The following PNKD variants were observed in gnomAD, a reference collection of about 807,000 sequenced individuals.
PNKD encodes the protein PNKD metallo-beta-lactamase domain containing.
PNKD carries 36 observed loss-of-function variants against 45.3 expected under a neutral mutation model. The observed-to-expected ratio is 0.80, with a 90% CI of 0.61 to 1.05. PNKD has a LOEUF of 1.05. Among genes scored for constraint, PNKD ranks in the 50% least tolerant of loss-of-function variants. The pLI is 0.00. For synonymous variants in PNKD, 197 were observed against 210.1 expected (o/e 0.94, Z 0.54); for missense variants, 511 against 506.6 (o/e 1.01, Z -0.08).
chr2:218,322,958 G>A (rs955861053), intron 2 of PNKD, among the ~76,000 whole-genome samples: 2 of 152,132 alleles, frequency 1.3e-5, no homozygotes, highest in African/African-American at 4.8e-5. Context: ...CGAACTGCGA[G>A]CTCCTGCCCC....
In PNKD at chr2:218,341,044, A is replaced by G. The variant is rs117178468; in HGVS notation, c.524+258A>G. Among the ~76,000 whole-genome samples, 10 of 152,338 alleles carry G rather than the reference A, an allele frequency of 6.6e-5. No homozygotes were observed. The East Asian group carries it at 1.7e-3, about 26-fold the overall frequency. ...TTTCATGGGCATGTATTAGATACCT[A>G]CTGCACACTGGGCATGGACAAAAGT... On this transcript the variant is annotated intron_variant, in intron 5 of 9. Transcript: ENST00000273077.
intron 2 of PNKD, among the ~76,000 whole-genome samples, chr2:218,311,787 A>G (rs908649434): frequency 4.6e-5 from 7 of 151,384 alleles, no homozygotes; most frequent in Non-Finnish European, 1.0e-4. Flanking sequence ...CTCTTTCACT[A>G]CTCCTCAGCA....
intron 2 of PNKD, among the ~76,000 whole-genome samples, chr2:218,311,750 T>C (rs1482165795): frequency 6.6e-6 from 1 of 151,866 alleles, no homozygotes; most frequent in Non-Finnish European, 1.5e-5. Flanking sequence ...GAAGCCTTCC[T>C]CTTATCTCAA....
At chr2:218,298,011 A>G (rs796946943) in intron 2 of PNKD, among the ~76,000 whole-genome samples, 19 of 151,266 alleles carry the variant, frequency 1.3e-4, no homozygotes, top group Non-Finnish European at 1.6e-4. Flanking sequence ...AAAAAAAAAA[A>G]AGAGAGAGAG....
At chr2:218,290,796 G>A (rs77648432) in intron 2 of PNKD, among the ~76,000 whole-genome samples, 5,432 of 152,266 alleles carry the variant, frequency 0.036, 101 homozygotes, top group African/African-American at 0.048. Context: ...TTTTGGCCTA[G>A]AATCCCAGAA....
At chr2:218,304,694 A>T (rs1693363482) in intron 2 of PNKD, among the ~76,000 whole-genome samples, 1 of 152,240 alleles carries the variant, frequency 6.6e-6, no homozygotes, top group African/African-American at 2.4e-5. Context: ...ATTGGGGGTC[A>T]AATAAAACCA....
rs1691367928 is a variant in PNKD at position 218,277,669 on chromosome 2, G to C, written c.236+6120G>C. 1.4e-5 allele frequency: 22 copies of C among 1,614,170 alleles called. No homozygotes were observed. The highest frequency in any genetic ancestry group is 1.7e-5 in the Non-Finnish European group (20 of 1,180,024). On this transcript the variant is annotated intron_variant, in intron 2 of 9. Coordinates refer to ENST00000273077, the MANE Select transcript of PNKD (RefSeq NM_015488.5). ...GCCCGTCATGAAGCCCATGGCAAAA[G>C]TCTAAGGGAAGGAGAGAGACAAGAA...
intron 2 of PNKD, among the ~76,000 whole-genome samples, chr2:218,296,912 A>C (rs528957185): frequency 2.0e-5 from 3 of 152,324 alleles, no homozygotes; most frequent in East Asian, 3.9e-4. Flanking sequence ...TCCTGGCCTC[A>C]GGTCATCCAC....
intron 2 of PNKD, among the ~76,000 whole-genome samples, chr2:218,301,214 T>C (rs1693258815): frequency 6.6e-6 from 1 of 152,208 alleles, no homozygotes; most frequent in African/African-American, 2.4e-5. Context: ...CCACATTTTA[T>C]GTGCTCAGTG....
intron 2 of PNKD, chr2:218,323,402 G>C: frequency 1.3e-6 from 2 of 1,574,536 alleles, no homozygotes; most frequent in Non-Finnish European, 1.7e-6. Flanking sequence ...TGCTCATGGC[G>C]CACAGCCAGC....
At chr2:218,325,301 G>A (rs1423247719) in intron 2 of PNKD, among the ~76,000 whole-genome samples, 4 of 135,394 alleles carry the variant, frequency 3.0e-5, no homozygotes, top group African/African-American at 8.1e-5. Context: ...TCCGCCTCCC[G>A]GGTTCAAGCA....
Position 218,276,062 on chromosome 2 carries a change from C to T in PNKD, c.236+4513C>T. The stretch of plus-strand genomic sequence containing the variant: ...AAATGGCCCCCAGAGCAGCATAGAG[C>T]ATGTGGAGCCAGTAAACCTGGAGAA... On this transcript the variant is annotated intron_variant, in intron 2 of 9. Coordinates refer to ENST00000273077, the MANE Select transcript of PNKD (RefSeq NM_015488.5). 6.2e-7 allele frequency: 1 copy of T among 1,613,056 alleles called. No individual in the cohort carries two copies. The highest frequency in any genetic ancestry group is 1.1e-5 in the South Asian group (1 of 90,668).
intron 2 of PNKD, among the ~76,000 whole-genome samples, chr2:218,296,588 G>A (rs1356680152): frequency 6.6e-6 from 1 of 152,176 alleles, no homozygotes; most frequent in Non-Finnish European, 1.5e-5. Flanking sequence ...ATAGCTGCCT[G>A]GTTACCTAGC....
intron 2 of PNKD, among the ~76,000 whole-genome samples, chr2:218,315,035 T>TC (rs1693746331): frequency 1.3e-3 from 2 of 1,564 alleles, no homozygotes; most frequent in African/African-American, 1.8e-3. Context: ...TTTCTTTCTT[T>TC]CTTTTTCTTT....
rs773289545 is a variant in PNKD at position 218,279,281 on chromosome 2, A to T, written c.236+7732A>T. On this transcript the variant is annotated intron_variant, in intron 2 of 9. Transcript: ENST00000273077. Reference sequence around the variant, plus strand: ...AGTAGGAGTGGGTGGCAAAGCCTAGAGACTTACACAAAGGTGAAGATAGCA... The same window carrying T: ...AGTAGGAGTGGGTGGCAAAGCCTAGTGACTTACACAAAGGTGAAGATAGCA... The T allele has an allele frequency of 1.1e-5, 18 of 1,573,792 alleles. No individual in the cohort carries two copies. In the East Asian group the frequency reaches 3.6e-4, roughly 31 times the overall value.
intron 2 of PNKD, chr2:218,276,098 G>C (rs1182847448): frequency 6.2e-7 from 1 of 1,611,522 alleles, no homozygotes; most frequent in South Asian, 1.1e-5. Flanking sequence ...GAAGGGGACA[G>C]AGAATGGCAT....
intron 2 of PNKD, among the ~76,000 whole-genome samples, chr2:218,329,104 GA>G (rs1366273250): frequency 1.3e-5 from 2 of 152,206 alleles, no homozygotes; most frequent in African/African-American, 4.8e-5. Context: ...AGCTACTCAG[GA>G]GGCCGAGGCA....
Position 218,271,497 on chromosome 2 carries a change from T to C in PNKD, c.184T>C (p.Tyr62His), listed in dbSNP as rs772142996. ...TGAACCCCTATCCCCGGAGCTGGAA[T>C]ACATTCCCAGAAAGAGGGGCAAGAA... ...EPEPLSPELE[Y>H]IPRKRGKNPM... The change falls in exon 2 of 10, where the codon TAC becomes CAC. Residue 62 changes from tyrosine to histidine, a missense_variant. By Grantham distance (83) the Tyr-to-His change is moderately conservative. Transcript: ENST00000273077. The C allele has an allele frequency of 9.9e-6, 16 of 1,614,172 alleles. No homozygotes were observed. In the South Asian group the frequency reaches 1.8e-4, roughly 18 times the overall value.
At chr2:218,307,072 G>C (rs1693431216) in intron 2 of PNKD, among the ~76,000 whole-genome samples, 1 of 152,178 alleles carries the variant, frequency 6.6e-6, no homozygotes, top group Non-Finnish European at 1.5e-5. Context: ...CACAGATGAT[G>C]CCGTTGGCCA....
Sources: allele counts gnomAD v4.1 joint callset (sites outside exome capture counted in the v4.1 genomes callset), GRCh38; gene constraint gnomAD v4.1.1; transcripts MANE v1.5; gene names NCBI Gene and HGNC (gene_info 2026-07-23, HGNC 2026-07-21).